The following C8A variants were observed in gnomAD, a reference collection of about 807,000 sequenced individuals.
C8A encodes complement component C8 alpha chain.
C8A carries 67 observed loss-of-function variants against 65.3 expected under a neutral mutation model. The ratio of observed to expected loss-of-function variants is 1.03; its 90% CI spans 0.84 to 1.26. The LOEUF (loss-of-function observed/expected upper bound fraction) is 1.26. Ranked by LOEUF, C8A falls within the 50% of genes most tolerant of loss-of-function variation. C8A has a pLI of 0.00. For missense variants in C8A, 781 were observed against 723.9 expected (o/e 1.08, Z -0.90); for synonymous variants, 290 against 259.4 (o/e 1.12, Z -1.13).
intron 10 of C8A, among the ~76,000 whole-genome samples, chr1:56,916,329 T>C (rs1644552541): frequency 6.6e-6 from 1 of 152,186 alleles, no homozygotes; most frequent in Non-Finnish European, 1.5e-5. Flanking sequence ...CTTGGGGCTG[T>C]CATACTGAAC....
chr1:56,913,011 C>A (rs1172382014), intron 10 of C8A, among the ~76,000 whole-genome samples: 1 of 152,110 alleles, frequency 6.6e-6, no homozygotes, highest in African/African-American at 2.4e-5. Flanking sequence ...TAGGTTGGTT[C>A]CTGCCAGAGA....
chr1:56,872,469 T>C (rs1046252589), intron 2 of C8A, among the ~76,000 whole-genome samples: 2 of 152,100 alleles, frequency 1.3e-5, no homozygotes, highest in Non-Finnish European at 2.9e-5. Flanking sequence ...TAAGATAATA[T>C]ATCTTAATTC....
At position 56,912,619 on chromosome 1, in the gene C8A, A is replaced by T; in HGVS notation, c.1597A>T (p.Thr533Ser). Residue 533 changes from threonine (T) to serine (S), a missense_variant, in exon 10 of 11, where the codon ACA becomes TCA. By Grantham distance (58) the Thr-to-Ser change is moderately conservative. Transcript: ENST00000361249. ...SLGAACEQTQ[T>S]EGAKADGSWS... ...GGGTGCTGCCTGTGAGCAAACACAG[A>T]CAGAAGGTAAGGTCCGTGCATCCCC... 6.2e-7 allele frequency: 1 copy of T among 1,613,954 alleles called. No individual in the cohort carries two copies. Among genetic ancestry groups the T allele is most frequent in the Non-Finnish European group, 8.5e-7 (1 of 1,179,872 alleles).
intron 2 of C8A, 110 bp from the exon 3 acceptor site, chr1:56,874,839 T>A (rs1346174897): frequency 1.7e-6 from 2 of 1,209,826 alleles, no homozygotes; most frequent in African/African-American, 3.0e-5. Context: ...CAGGCAGGTC[T>A]CAATCATTAG....
chr1:56,894,850 A>G (rs1412650240), intron 7 of C8A, among the ~76,000 whole-genome samples: 1 of 152,124 alleles, frequency 6.6e-6, no homozygotes, highest in Middle Eastern at 3.2e-3. Context: ...TAATCATCAG[A>G]TTATGGTCAG....
rs867560757 is a variant in C8A at position 56,917,765 on chromosome 1, C to A, written c.*49C>A. 3 of 1,605,434 alleles carry A rather than the reference C, an allele frequency of 1.9e-6. No individual in the cohort carries two copies. The Middle Eastern group carries it at 5.8e-4, about 310-fold the overall frequency. ...CAGATGCTGTGGATGTCGACCCCTGCACTGACTATTGGATAAAGACTTCTT... is the reference window on the plus strand; with the variant it reads ...CAGATGCTGTGGATGTCGACCCCTGAACTGACTATTGGATAAAGACTTCTT... On this transcript the variant is annotated 3_prime_UTR_variant, in exon 11 of 11. Transcript: ENST00000361249.
Position 56,918,072 on chromosome 1 carries a change from C to T in C8A, c.*356C>T, listed in dbSNP as rs901702325. 1.4e-5 allele frequency: 3 copies of T among 217,204 alleles called. No individual in the cohort carries two copies. Among genetic ancestry groups the T allele is most frequent in the African/African-American group, 7.0e-5 (3 of 43,084 alleles). The allele number at this position is 217,204 out of a possible 1,614,324, so 13.5% of individuals were successfully genotyped here. On this transcript the variant is annotated 3_prime_UTR_variant, in exon 11 of 11. Coordinates refer to ENST00000361249, the MANE Select transcript of C8A (RefSeq NM_000562.3). ...AGACAAAACAAGCAGACACCTGAAA[C>T]AATCAACGCCCAATAAAACAAAGTA...
intron 7 of C8A, among the ~76,000 whole-genome samples, chr1:56,897,192 A>G (rs1644392986): frequency 6.6e-6 from 1 of 152,136 alleles, no homozygotes; most frequent in African/African-American, 2.4e-5. Flanking sequence ...TTTTATATCT[A>G]TTTCTAAATG....
intron 7 of C8A, among the ~76,000 whole-genome samples, chr1:56,903,080 T>C (rs1644438210): frequency 6.6e-6 from 1 of 152,186 alleles, no homozygotes; most frequent in East Asian, 1.9e-4. Context: ...GCTTATTCAT[T>C]TGGTATTTTG....
intron 7 of C8A, among the ~76,000 whole-genome samples, chr1:56,893,532 T>A (rs1026529648): frequency 6.6e-6 from 1 of 152,178 alleles, no homozygotes; most frequent in Non-Finnish European, 1.5e-5. Context: ...GCTTGTTTGG[T>A]TGAAAATAAT....
chr1:56,912,891 GT>G (rs1200928596), intron 10 of C8A, among the ~76,000 whole-genome samples: 1 of 152,176 alleles, frequency 6.6e-6, no homozygotes, highest in Non-Finnish European at 1.5e-5. Context: ...GAATAAACTA[GT>G]TTCCTAGGGC....
intron 3 of C8A, 129 bp from the exon 4 acceptor site, chr1:56,875,933 C>T (rs902181991): frequency 2.4e-6 from 3 of 1,255,304 alleles, no homozygotes; most frequent in African/African-American, 3.0e-5. Flanking sequence ...AAGGCAGAGG[C>T]AGTGAGAACA....
intron 2 of C8A, among the ~76,000 whole-genome samples, chr1:56,874,047 C>A (rs12090500): frequency 6.6e-6 from 1 of 152,296 alleles, no homozygotes; most frequent in South Asian, 2.1e-4. Context: ...CCCAGGGACT[C>A]AGATGATGTC....
chr1:56,875,627 T>C (rs1001815307), intron 3 of C8A, among the ~76,000 whole-genome samples: 1 of 152,068 alleles, frequency 6.6e-6, no homozygotes, highest in African/African-American at 2.4e-5. Context: ...AGAAAGAACA[T>C]GCAAAAGCAT....
chr1:56,881,684 G>A, intron 5 of C8A, 50 bp downstream of exon 5: 1 of 1,520,114 alleles, frequency 6.6e-7, no homozygotes, highest in Non-Finnish European at 9.1e-7. Context: ...AGGTGGCAGA[G>A]AGGCAGAGGC....
chr1:56,913,988 C>T (rs142371534), intron 10 of C8A, among the ~76,000 whole-genome samples: 27 of 152,276 alleles, frequency 1.8e-4, no homozygotes, highest in African/African-American at 5.3e-4. Context: ...TCTTCTCTGG[C>T]GTACCAAGAT....
chr1:56,912,254 G>A, intron 9 of C8A, 149 bp from the exon 10 acceptor site: 1 of 672,270 alleles, frequency 1.5e-6, no homozygotes, highest in Non-Finnish European at 2.6e-6. Flanking sequence ...CAGAATGGCT[G>A]TGAGGATCCA....
At chr1:56,898,872 C>T (rs919634001) in intron 7 of C8A, among the ~76,000 whole-genome samples, 1 of 152,118 alleles carries the variant, frequency 6.6e-6, no homozygotes, top group Admixed American at 6.5e-5. Flanking sequence ...TCCTAAAGTT[C>T]TGAACTGAAT....
chr1:56,874,852 A>G, intron 2 of C8A, 97 bp from the exon 3 acceptor site: 8 of 1,335,162 alleles, frequency 6.0e-6, no homozygotes, highest in Non-Finnish European at 8.4e-6. Context: ...ATCATTAGAT[A>G]ATTATTTCTT....
Sources: allele counts gnomAD v4.1 joint callset (sites outside exome capture counted in the v4.1 genomes callset), GRCh38; gene constraint gnomAD v4.1.1; transcripts MANE v1.5; gene names NCBI Gene and HGNC (gene_info 2026-07-23, HGNC 2026-07-21).